Variants in UGT2A1 observed in about 807,000 individuals in gnomAD.
UGT2A1 encodes the protein UDP-glucuronosyltransferase 2A1.
A neutral mutation model predicts 45.4 loss-of-function variants in UGT2A1; 61 were observed. That is an observed-to-expected ratio of 1.34 (90% CI 1.09 to 1.66). The LOEUF is 1.66. Among genes scored for constraint, UGT2A1 ranks in the 40% most tolerant of loss-of-function variants. The pLI, the probability that UGT2A1 is intolerant of heterozygous loss-of-function variation, is 0.00. For missense variants in UGT2A1, 649 were observed against 574.3 expected (o/e 1.13, Z -1.33); for synonymous variants, 229 against 196.2 (o/e 1.17, Z -1.40).
chr4:69,640,224 T>C (rs1379815955), intron 2 of UGT2A1, among the ~76,000 whole-genome samples: 1 of 151,924 alleles, frequency 6.6e-6, no homozygotes, highest in Non-Finnish European at 1.5e-5. Context: ...TCAAATATTG[T>C]CCTTTTATAA....
At chr4:69,599,543 G>T (rs1719136687) in intron 3 of UGT2A1, 149 bp from the exon 4 acceptor site, 4 of 1,128,780 alleles carry the variant, frequency 3.5e-6, no homozygotes, top group Non-Finnish European at 4.7e-6. Context: ...ATATTAAGAA[G>T]AAGGAGAAAT....
chr4:69,631,439 T>C (rs1721381712), intron 3 of UGT2A1, among the ~76,000 whole-genome samples: 1 of 152,132 alleles, frequency 6.6e-6, no homozygotes, highest in Non-Finnish European at 1.5e-5. Context: ...ATCATAAATT[T>C]TAAAACTAAA....
intron 2 of UGT2A1, 27 bp from the exon 3 acceptor site, chr4:69,635,849 A>AAAAAAAAAAAAAAAAAAAAAAGAG (rs772370302): frequency 8.4e-6 from 1 of 118,514 alleles, no homozygotes; most frequent in African/African-American, 4.0e-5. Context: ...AAAAAAAAAA[A>AAAAAAAAAAAAAAAAAAAAAAGAG]AGAGAGAGAG....
At chr4:69,622,819 C>T (rs1386705685) in intron 3 of UGT2A1, among the ~76,000 whole-genome samples, 1 of 151,724 alleles carries the variant, frequency 6.6e-6, no homozygotes, top group African/African-American at 2.4e-5. Flanking sequence ...ACACATTCAT[C>T]CAGCGGTCCA....
At chr4:69,625,780 G>T (rs1239060547) in intron 3 of UGT2A1, among the ~76,000 whole-genome samples, 2 of 151,314 alleles carry the variant, frequency 1.3e-5, no homozygotes, top group Non-Finnish European at 3.0e-5. Flanking sequence ...AAAAGCCCCA[G>T]GCAGGAAGAC....
chr4:69,622,297 A>G (rs1000990867), intron 3 of UGT2A1, among the ~76,000 whole-genome samples: 4 of 151,868 alleles, frequency 2.6e-5, no homozygotes, highest in South Asian at 2.1e-4. Context: ...TAACACCACA[A>G]AGATGGGAAA....
At chr4:69,596,396 T>C (rs1266692965) in intron 4 of UGT2A1, 1 of 1,550,456 alleles carries the variant, frequency 6.4e-7, no homozygotes, top group Non-Finnish European at 8.7e-7. Flanking sequence ...ATACATAATA[T>C]ATTTTCTATT....
intron 3 of UGT2A1, among the ~76,000 whole-genome samples, chr4:69,601,851 A>G (rs1719317423): frequency 7.3e-6 from 1 of 136,432 alleles, no homozygotes; most frequent in Non-Finnish European, 1.6e-5. Context: ...GGTCTAGAGG[A>G]GCAGCAGCAC....
intron 3 of UGT2A1, among the ~76,000 whole-genome samples, chr4:69,627,702 A>G (rs1035321839): frequency 6.6e-6 from 1 of 151,944 alleles, no homozygotes; most frequent in African/African-American, 2.4e-5. Context: ...GTTCATAAAC[A>G]CTCATGAATA....
At chr4:69,645,586 C>T (rs1025752977) in intron 2 of UGT2A1, among the ~76,000 whole-genome samples, 1 of 151,752 alleles carries the variant, frequency 6.6e-6, no homozygotes, top group African/African-American at 2.4e-5. Flanking sequence ...CAGGCTCCTA[C>T]CACATCTTTC....
At chr4:69,612,694 G>A (rs530817620) in intron 3 of UGT2A1, among the ~76,000 whole-genome samples, 70 of 151,878 alleles carry the variant, frequency 4.6e-4, no homozygotes, top group African/African-American at 1.6e-3. Context: ...GAAAGAAACC[G>A]GATTGTCACA....
At chr4:69,611,788 T>G (rs112607992) in intron 3 of UGT2A1, among the ~76,000 whole-genome samples, 1 of 152,144 alleles carries the variant, frequency 6.6e-6, no homozygotes, top group Admixed American at 6.6e-5. Flanking sequence ...TAGTAAAACT[T>G]GAATGGTTCA....
rs766544086 is a variant in UGT2A1, at chr4:69,647,349, G to T, written c.296C>A (p.Pro99Gln). The change falls in exon 2 of 7, where the codon CCA (proline) becomes CAA (glutamine). Residue 99 changes from proline to glutamine, a missense_variant. Pro to Gln is a moderately conservative substitution (Grantham distance 76, BLOSUM62 -1). Coordinates refer to ENST00000286604, the MANE Select transcript of UGT2A1 (RefSeq NM_001252275.3). Reference protein sequence around the residue: ...DFVLTWLENRPSPSTIWRFYQ... With the variant: ...DFVLTWLENRQSPSTIWRFYQ... ...GAATCTCCAAATGGTTGAAGGAGAT[G>T]GTCTATTTTCCAGCCATGTCAAAAC... The T allele has an allele frequency of 5.6e-6, 9 of 1,613,124 alleles. No individual in the cohort carries two copies. The African/African-American group carries it at 1.1e-4, about 19-fold the overall frequency.
intron 3 of UGT2A1, among the ~76,000 whole-genome samples, chr4:69,617,411 A>G (rs1720465455): frequency 6.6e-6 from 1 of 151,936 alleles, no homozygotes; most frequent in Admixed American, 6.6e-5. Context: ...ATACAAAGAT[A>G]TAATATATAT....
At chr4:69,609,836 G>A (rs1367140765) in intron 3 of UGT2A1, among the ~76,000 whole-genome samples, 1 of 152,150 alleles carries the variant, frequency 6.6e-6, no homozygotes, top group African/African-American at 2.4e-5. Flanking sequence ...TTGACAGAAT[G>A]TCATGCTATA....
At position 69,589,535 on chromosome 4, in the gene UGT2A1, A is replaced by G. The variant is rs141510881; in HGVS notation, c.1421T>C (p.Leu474Pro). The change falls in exon 7 of 7, where the codon CTT becomes CCT. Residue 474 changes from leucine to proline, a missense_variant. Physicochemically the swap from Leu to Pro is moderately conservative, Grantham distance 98 (BLOSUM62 -3). Coordinates refer to ENST00000286604, the MANE Select transcript of UGT2A1 (RefSeq NM_001252275.3). The part of the protein sequence containing the change: ...FVMRHKGAKH[L>P]RVAAHDLTWF... ...GGTGAGGTCATGGGCTGCAACCCGA[A>G]GGTGCTTGGCTCCTTTGTGGCGCAT... The G allele has an allele frequency of 3.5e-5, 56 of 1,614,112 alleles. No homozygotes were observed. The African/African-American group carries it at 7.2e-4, about 21-fold the overall frequency.
At chr4:69,626,419 G>A (rs1271388050) in intron 3 of UGT2A1, among the ~76,000 whole-genome samples, 1 of 150,198 alleles carries the variant, frequency 6.7e-6, no homozygotes, top group Admixed American at 6.6e-5. Flanking sequence ...AACTATTATT[G>A]GACCACCTAC....
chr4:69,643,870 G>A (rs1722144648), intron 2 of UGT2A1, among the ~76,000 whole-genome samples: 1 of 151,630 alleles, frequency 6.6e-6, no homozygotes, highest in Non-Finnish European at 1.5e-5. Flanking sequence ...AAATTGGAAA[G>A]GAGTTATTTT....
At chr4:69,634,272 AAAC>A (rs1553907357) in intron 3 of UGT2A1, among the ~76,000 whole-genome samples, 4 of 148,912 alleles carry the variant, frequency 2.7e-5, no homozygotes, top group Non-Finnish European at 4.5e-5. Context: ...AAACAAAACA[AAAC>A]AACAACAACA....
Sources: allele counts gnomAD v4.1 joint callset (sites outside exome capture counted in the v4.1 genomes callset), GRCh38; gene constraint gnomAD v4.1.1; transcripts MANE v1.5; gene names NCBI Gene and HGNC (gene_info 2026-07-23, HGNC 2026-07-21).